The following BLTP3B variants were observed in gnomAD, a reference collection of about 807,000 sequenced individuals.
BLTP3B encodes UHRF1 (ICBP90) binding protein 1-like.
At chr12:100,048,212 A>G in the BLTP3B span, 4 of 1,564,736 alleles carry the variant, frequency 2.6e-6, no homozygotes, top group South Asian at 3.6e-5. Flanking sequence ...GAAAATGAAC[A>G]TACAAAAATG....
At chr12:100,112,710 G>A in the BLTP3B span, among the ~76,000 whole-genome samples, 1 of 151,886 alleles carries the variant, frequency 6.6e-6, no homozygotes, top group Non-Finnish European at 1.5e-5. Flanking sequence ...TTATAATTTG[G>A]TTAAGGGAAC....
chr12:100,049,361 A>G, the BLTP3B span, among the ~76,000 whole-genome samples: 3 of 152,150 alleles, frequency 2.0e-5, no homozygotes, highest in Non-Finnish European at 2.9e-5. Context: ...TTCATGATGG[A>G]GTTTTAAAAA....
the BLTP3B span, among the ~76,000 whole-genome samples, chr12:100,087,158 C>CA: frequency 0.19 from 10,854 of 57,492 alleles, 1,163 homozygotes; most frequent in Non-Finnish European, 0.28. Flanking sequence ...GACTCCATCT[C>CA]AAAAAAAAAA....
At chr12:100,053,393 G>C in the BLTP3B span, among the ~76,000 whole-genome samples, 1 of 152,064 alleles carries the variant, frequency 6.6e-6, no homozygotes, top group African/African-American at 2.4e-5. Flanking sequence ...GGGCAACAGA[G>C]TGAGACTTGG....
At chr12:100,050,572 C>T in the BLTP3B span, among the ~76,000 whole-genome samples, 2 of 152,074 alleles carry the variant, frequency 1.3e-5, no homozygotes, top group Admixed American at 6.6e-5. Context: ...TTTCAAGTCT[C>T]CCAGAAGTAT....
the BLTP3B span, among the ~76,000 whole-genome samples, chr12:100,115,847 A>G: frequency 6.6e-6 from 1 of 152,128 alleles, no homozygotes. Flanking sequence ...GGCTGGTTTA[A>G]AACCAAAAAC....
At chr12:100,077,206 T>C in the BLTP3B span, among the ~76,000 whole-genome samples, 1 of 152,196 alleles carries the variant, frequency 6.6e-6, no homozygotes, top group African/African-American at 2.4e-5. Context: ...ATATTTTCTA[T>C]GTTTGGTAAG....
chr12:100,085,059 C>T, the BLTP3B span, among the ~76,000 whole-genome samples: 7 of 152,132 alleles, frequency 4.6e-5, no homozygotes, highest in African/African-American at 1.4e-4. Flanking sequence ...AAAACCTAAA[C>T]CACAAAAATG....
At chr12:100,133,432 A>G in the BLTP3B span, among the ~76,000 whole-genome samples, 1 of 152,254 alleles carries the variant, frequency 6.6e-6, no homozygotes, top group Non-Finnish European at 1.5e-5. Flanking sequence ...TCATAAAAGA[A>G]TCTCCTAAGG....
At chr12:100,055,792 A>G in the BLTP3B span, among the ~76,000 whole-genome samples, 1 of 152,166 alleles carries the variant, frequency 6.6e-6, no homozygotes, top group African/African-American at 2.4e-5. Flanking sequence ...TATCTGTAAA[A>G]GAAGGATAAG....
At chr12:100,095,963 AT>A in the BLTP3B span, 2 of 974,582 alleles carry the variant, frequency 2.1e-6, no homozygotes, top group African/African-American at 3.4e-5. Flanking sequence ...CACAAGAAGT[AT>A]TTACTGGCCG....
the BLTP3B span, among the ~76,000 whole-genome samples, chr12:100,124,956 A>T: frequency 3.0e-5 from 3 of 99,594 alleles, no homozygotes; most frequent in African/African-American, 1.5e-4. Context: ...ATATATATAT[A>T]TATATATATA....
chr12:100,089,754 G>C, the BLTP3B span, among the ~76,000 whole-genome samples: 1 of 152,076 alleles, frequency 6.6e-6, no homozygotes, highest in Admixed American at 6.6e-5. Context: ...CAAAACAAAT[G>C]TGGGCCCTGT....
the BLTP3B span, among the ~76,000 whole-genome samples, chr12:100,075,237 C>T: frequency 6.6e-6 from 1 of 152,098 alleles, no homozygotes; most frequent in Non-Finnish European, 1.5e-5. Context: ...GTCTCGAACT[C>T]CTGACCTCGT....
chr12:100,048,771 A>AGAGTGAGTGTGT, the BLTP3B span, among the ~76,000 whole-genome samples: 7 of 114,980 alleles, frequency 6.1e-5, no homozygotes, highest in Non-Finnish European at 1.1e-4. Flanking sequence ...AGTGAGAGTG[A>AGAGTGAGTGTGT]GTGTGTGTGT....
chr12:100,135,474 G>A, the BLTP3B span, among the ~76,000 whole-genome samples: 2 of 151,898 alleles, frequency 1.3e-5, no homozygotes, highest in South Asian at 2.1e-4. Flanking sequence ...TCACCATGTT[G>A]GCCAGGCTGG....
the BLTP3B span, among the ~76,000 whole-genome samples, chr12:100,125,332 T>A: frequency 1.9e-5 from 2 of 104,858 alleles, no homozygotes; most frequent in African/African-American, 5.0e-5. Context: ...CCGGTTTCCA[T>A]CTCAAAAAAA....
chr12:100,068,842 A>G, the BLTP3B span, among the ~76,000 whole-genome samples: 1,563 of 152,300 alleles, frequency 0.01, 36 homozygotes, highest in African/African-American at 0.035. Flanking sequence ...AAAAAATAGT[A>G]CATGTTGGCA....
the BLTP3B span, among the ~76,000 whole-genome samples, chr12:100,093,668 C>G: frequency 1.3e-5 from 2 of 152,066 alleles, no homozygotes; most frequent in African/African-American, 4.8e-5. Context: ...AAGGGAAAAC[C>G]AGCCTGACAT....
Sources: allele counts gnomAD v4.1 joint callset (sites outside exome capture counted in the v4.1 genomes callset), GRCh38; gene constraint gnomAD v4.1.1; transcripts MANE v1.5; gene names NCBI Gene and HGNC (gene_info 2026-07-23, HGNC 2026-07-21).